UST: variants seen among roughly 807,000 people sequenced by gnomAD.
UST encodes uronyl 2-sulfotransferase, also known as chondroitin sulfate 2-O-sulfotransferase.
A neutral mutation model predicts 45.6 loss-of-function variants in UST; 21 were observed. The ratio of observed to expected loss-of-function variants is 0.46; its 90% CI spans 0.33 to 0.66. UST has a LOEUF of 0.66. Among genes scored for constraint, UST ranks in the 30% least tolerant of loss-of-function variants. The pLI, the probability that UST is intolerant of heterozygous loss-of-function variation, is 0.02. For missense variants in UST, 463 were observed against 512.4 expected, an observed-to-expected ratio of 0.90 and a Z score of 0.93; for synonymous variants, 215 against 200.6, an observed-to-expected ratio of 1.07 and a Z score of -0.61.
chr6:149,023,724 G>A (rs1035173896), intron 7 of UST, among the ~76,000 whole-genome samples: 2 of 152,074 alleles, frequency 1.3e-5, no homozygotes, highest in African/African-American at 4.8e-5. Context: ...GAACCTAGAT[G>A]AGGGTATTTT....
chr6:148,910,177 G>A (rs965872476), intron 2 of UST, among the ~76,000 whole-genome samples: 4 of 122,826 alleles, frequency 3.3e-5, no homozygotes, highest in African/African-American at 9.6e-5. Flanking sequence ...TTTCACTCTC[G>A]TTGCCCAGGC....
chr6:148,996,350 C>G (rs922138682), intron 5 of UST, among the ~76,000 whole-genome samples: 1 of 152,190 alleles, frequency 6.6e-6, no homozygotes, highest in Non-Finnish European at 1.5e-5. Context: ...TCCCAAGTAG[C>G]TGGGACTACA....
chr6:148,809,292 C>T (rs1777208179), intron 1 of UST, among the ~76,000 whole-genome samples: 1 of 151,940 alleles, frequency 6.6e-6, no homozygotes, highest in African/African-American at 2.4e-5. Flanking sequence ...CACTAAACCA[C>T]ACGGAATTTC....
intron 1 of UST, among the ~76,000 whole-genome samples, chr6:148,819,110 G>A (rs1417036299): frequency 3.3e-5 from 5 of 152,292 alleles, no homozygotes; most frequent in South Asian, 2.1e-4. Flanking sequence ...CTCTGTGAGC[G>A]AACTTTGCAT....
At chr6:148,971,142 C>T (rs1780909039) in intron 5 of UST, among the ~76,000 whole-genome samples, 1 of 152,168 alleles carries the variant, frequency 6.6e-6, no homozygotes, top group Non-Finnish European at 1.5e-5. Context: ...TATAAGTGCT[C>T]ACCACTGTGC....
chr6:148,913,937 C>T (rs1351306400), intron 2 of UST, among the ~76,000 whole-genome samples: 1 of 152,106 alleles, frequency 6.6e-6, no homozygotes, highest in Non-Finnish European at 1.5e-5. Context: ...AATGTGTCTC[C>T]CCAAGATTCA....
chr6:148,781,798 C>T (rs1437218680), intron 1 of UST, among the ~76,000 whole-genome samples: 1 of 152,102 alleles, frequency 6.6e-6, no homozygotes, highest in Non-Finnish European at 1.5e-5. Context: ...AATTGTAGGG[C>T]CCTTAAGAAT....
At chr6:148,883,121 A>G (rs1377730817) in intron 1 of UST, among the ~76,000 whole-genome samples, 1 of 152,270 alleles carries the variant, frequency 6.6e-6, no homozygotes, top group Non-Finnish European at 1.5e-5. Flanking sequence ...CTACAAAGCC[A>G]GTGTCCTTAA....
intron 5 of UST, among the ~76,000 whole-genome samples, chr6:148,976,295 CTT>C (rs757005455): frequency 1.3e-5 from 2 of 152,278 alleles, no homozygotes; most frequent in East Asian, 3.9e-4. Context: ...TGTTTTGTAA[CTT>C]TGCCAATTTC....
intron 1 of UST, among the ~76,000 whole-genome samples, chr6:148,824,729 G>A (rs1349842304): frequency 7.3e-6 from 1 of 136,222 alleles, no homozygotes; most frequent in Non-Finnish European, 1.5e-5. Flanking sequence ...TGCACATTGT[G>A]CAGGTTAGTT....
chr6:148,886,245 G>A (rs947355073), intron 1 of UST, among the ~76,000 whole-genome samples: 3 of 152,146 alleles, frequency 2.0e-5, no homozygotes, highest in African/African-American at 7.2e-5. Context: ...GTTTCTCCAG[G>A]CCTCTGTTCT....
intron 7 of UST, among the ~76,000 whole-genome samples, chr6:149,049,639 A>C (rs933876272): frequency 1.3e-5 from 2 of 152,194 alleles, no homozygotes; most frequent in Admixed American, 1.3e-4. Flanking sequence ...CTTACTGTGG[A>C]ATTGCTGGGA....
At chr6:148,797,358 G>A (rs1028770778) in intron 1 of UST, among the ~76,000 whole-genome samples, 1 of 152,058 alleles carries the variant, frequency 6.6e-6, no homozygotes, top group Non-Finnish European at 1.5e-5. Context: ...ATAATAGAAA[G>A]CACTATTTTA....
chr6:148,751,030 A>G (rs930224929), intron 1 of UST, among the ~76,000 whole-genome samples: 2 of 152,216 alleles, frequency 1.3e-5, no homozygotes, highest in African/African-American at 4.8e-5. Flanking sequence ...GTCTGGGCAC[A>G]GGGCCCAGCA....
At chr6:148,995,841 G>GCATT (rs1434213029) in intron 5 of UST, among the ~76,000 whole-genome samples, 1 of 152,254 alleles carries the variant, frequency 6.6e-6, no homozygotes, top group Non-Finnish European at 1.5e-5. Flanking sequence ...CAGGGCGTGT[G>GCATT]CATTCCTAGT....
At chr6:148,828,495 A>T (rs1777615779) in intron 1 of UST, among the ~76,000 whole-genome samples, 1 of 152,184 alleles carries the variant, frequency 6.6e-6, no homozygotes, top group Non-Finnish European at 1.5e-5. Context: ...CATTCACTTA[A>T]GACAAGCAGA....
chr6:149,035,957 G>T (rs1776234559), intron 7 of UST, among the ~76,000 whole-genome samples: 1 of 152,126 alleles, frequency 6.6e-6, no homozygotes, highest in South Asian at 2.1e-4. Flanking sequence ...CCAAACATCT[G>T]CTTTGGGGAT....
chr6:149,058,942 A>G (rs1776613110), intron 7 of UST, among the ~76,000 whole-genome samples: 1 of 152,220 alleles, frequency 6.6e-6, no homozygotes, highest in African/African-American at 2.4e-5. Flanking sequence ...CGTAGCACAT[A>G]CTTTCAAACA....
chr6:148,752,007 G>A (rs1776001841), intron 1 of UST, among the ~76,000 whole-genome samples: 1 of 152,198 alleles, frequency 6.6e-6, no homozygotes. Context: ...CTTTATGGGA[G>A]CTAAACTTGT....
Sources: allele counts gnomAD v4.1 joint callset (sites outside exome capture counted in the v4.1 genomes callset), GRCh38; gene constraint gnomAD v4.1.1; transcripts MANE v1.5; gene names NCBI Gene and HGNC (gene_info 2026-07-23, HGNC 2026-07-21).